Variants in COTL1 observed in about 807,000 individuals in gnomAD.
COTL1 encodes the protein coactosin-like protein.
Under a neutral mutation model 16.5 loss-of-function variants are expected in COTL1, and 15 were observed. The observed-to-expected ratio is 0.91, with a 90% CI of 0.61 to 1.40. COTL1 has a LOEUF of 1.40. Among genes scored for constraint, COTL1 ranks in the 40% most tolerant of loss-of-function variants. COTL1 has a pLI of 0.00. For missense variants in COTL1, 220 were observed against 201.5 expected (o/e 1.09, Z -0.56); for synonymous variants, 112 against 85.3 (o/e 1.31, Z -1.73).
chr16:84,603,928 G>A (rs190755123), intron 2 of COTL1, among the ~76,000 whole-genome samples: 1,780 of 150,606 alleles, frequency 0.012, 40 homozygotes, highest in African/African-American at 0.042. Context: ...CTGCACCCTG[G>A]GCCCTGCCAG....
chr16:84,570,961 T>C (rs1904326271), intron 3 of COTL1, among the ~76,000 whole-genome samples: 1 of 152,036 alleles, frequency 6.6e-6, no homozygotes, highest in African/African-American at 2.4e-5. Context: ...CTGCTTTTTT[T>C]TTTTTTCCTT....
chr16:84,595,082 T>A (rs925038798), intron 2 of COTL1: 2 of 152,140 alleles, frequency 1.3e-5, no homozygotes, highest in South Asian at 4.1e-4. Context: ...ATTGTCCCTG[T>A]GTCCCAAGTA....
At chr16:84,597,938 C>A (rs1003800589) in intron 2 of COTL1, among the ~76,000 whole-genome samples, 1 of 152,140 alleles carries the variant, frequency 6.6e-6, no homozygotes, top group Non-Finnish European at 1.5e-5. Context: ...TACCAGGAGG[C>A]CTTTCTGCCT....
chr16:84,595,391 C>CTGT (rs1187918395), intron 2 of COTL1: 1 of 152,218 alleles, frequency 6.6e-6, no homozygotes. Context: ...GACGGAAAAC[C>CTGT]TGTTGGTCTG....
At chr16:84,604,526 G>C (rs551319255) in intron 2 of COTL1, among the ~76,000 whole-genome samples, 8 of 152,142 alleles carry the variant, frequency 5.3e-5, no homozygotes, top group African/African-American at 1.9e-4. Context: ...AGCTCTCCCA[G>C]CACGAGTGCC....
At chr16:84,615,310 C>T (rs967462790) in intron 2 of COTL1, among the ~76,000 whole-genome samples, 9 of 152,232 alleles carry the variant, frequency 5.9e-5, no homozygotes, top group African/African-American at 2.2e-4. Context: ...CGCGCCACTC[C>T]CCACTCCCAT....
At chr16:84,605,139 T>TGGCCTG (rs1044479968) in intron 2 of COTL1, among the ~76,000 whole-genome samples, 2 of 152,168 alleles carry the variant, frequency 1.3e-5, no homozygotes, top group Admixed American at 6.5e-5. Flanking sequence ...CGGCCCCCCA[T>TGGCCTG]GGCCTGGGCC....
Sources: gnomAD v4.1 joint callset for allele counts (sites outside exome capture counted in the v4.1 genomes callset) on GRCh38, gnomAD v4.1.1 for gene constraint, MANE v1.5 for transcripts, NCBI Gene and HGNC (gene_info 2026-07-23, HGNC 2026-07-21) for gene names.